The following PTDSS2 variants were observed in gnomAD, a reference collection of about 807,000 sequenced individuals.
The protein encoded by PTDSS2 is phosphatidylserine synthase 2, also known as PSS-2.
A neutral mutation model predicts 64.7 loss-of-function variants in PTDSS2; 41 were observed. The ratio of observed to expected loss-of-function variants is 0.63; its 90% confidence interval spans 0.49 to 0.82. The LOEUF (loss-of-function observed/expected upper bound fraction) is 0.82. Among genes scored for constraint, PTDSS2 ranks in the 40% least tolerant of loss-of-function variants. The pLI, the probability that PTDSS2 is intolerant of heterozygous loss-of-function variation, is 0.00. For missense variants in PTDSS2, 485 were observed against 650.0 expected (o/e 0.75, Z 2.76); for synonymous variants, 297 against 277.8 (o/e 1.07, Z -0.69).
intron 7 of PTDSS2, 88 bp from the exon 8 acceptor site, chr11:488,441 T>C: frequency 7.3e-7 from 1 of 1,362,674 alleles, no homozygotes; most frequent in Non-Finnish European, 1.0e-6. Flanking sequence ...CTGAGGGGCA[T>C]TCTCGGTTCC....
chr11:490,791 TGTGTGTACGC>T lies in PTDSS2; in HGVS notation c.*221_*230del, dbSNP rs199941403. On this transcript the variant is annotated 3_prime_UTR_variant, in exon 12 of 12. Coordinates refer to ENST00000308020, the MANE Select transcript of PTDSS2 (RefSeq NM_030783.3). ...GTACACGTGTGTACGTGTGTATGCGTGTGTGTACGCGTGTGTACGCGCGTGTGTACACATG... is the reference window on the plus strand; with the variant it reads ...GTACACGTGTGTACGTGTGTATGCGTGTGTGTACGCGCGTGTGTACACATG... 2,304 of 574,046 alleles carry T rather than the reference TGTGTGTACGC, an allele frequency of 4.0e-3. 11 individuals are homozygous for T. The highest frequency in any genetic ancestry group is 0.012 in the African/African-American group (564 of 46,664). 35.6% of individuals were successfully genotyped at this position (574,046 alleles called of 1,614,324 possible).
intron 1 of PTDSS2, among the ~76,000 whole-genome samples, chr11:452,319 GA>G (rs1846371745): frequency 6.6e-6 from 1 of 152,282 alleles, no homozygotes; most frequent in Non-Finnish European, 1.5e-5. Flanking sequence ...TGCAGGCATG[GA>G]ACTTCAGAAG....
chr11:451,825 G>T (rs1449979120), intron 1 of PTDSS2, among the ~76,000 whole-genome samples: 1 of 152,164 alleles, frequency 6.6e-6, no homozygotes, highest in Non-Finnish European at 1.5e-5. Flanking sequence ...CCCCACGCAG[G>T]GTCTTCCGTG....
rs922481386 is a variant in PTDSS2 at position 461,033 on chromosome 11, G to A, written c.284+745G>A. On this transcript the variant is annotated intron_variant, in intron 2 of 11. Transcript: ENST00000308020. The surrounding 1 kb of genome is among the most constrained non-coding windows in gnomAD (Gnocchi z 4.2). ...TGCTCCGGCGGGATGGTGGGAGGAA[G>A]CCGGAGCAGGGTCTGAGACCAGCAG... The A allele has an allele frequency of 6.6e-6, 1 of 152,444 alleles. No individual in the cohort carries two copies. Among genetic ancestry groups the A allele is most frequent in the African/African-American group, 2.4e-5 (1 of 41,590 alleles). The allele number at this position is 152,444 out of a possible 1,614,324, so 9.4% of individuals were successfully genotyped here.
At chr11:489,837 GGACCCT>G in intron 10 of PTDSS2, 40 bp from the exon 11 acceptor site, 1 of 1,544,878 alleles carries the variant, frequency 6.5e-7, no homozygotes, top group Non-Finnish European at 8.7e-7. Flanking sequence ...TCCGCCTGGA[GGACCCT>G]GCGGGGCCCG....
Position 490,681 on chromosome 11 carries a change from C to CA in PTDSS2, c.*101dup. The stretch of plus-strand genomic sequence containing the variant: ...GGAGCCACGTGCCCGGCCTTGCCCT[C>CA]AAGGTTTTTTGCTTTTCTCCTGTGC... On this transcript the variant is annotated 3_prime_UTR_variant, in exon 12 of 12. Transcript: ENST00000308020. 1 of 1,334,546 alleles carries CA rather than the reference C, an allele frequency of 7.5e-7. No homozygotes were observed. Among genetic ancestry groups the CA allele is most frequent in the Admixed American group, 2.7e-5 (1 of 37,498 alleles). The allele number at this position is 1,334,546 out of a possible 1,614,324, so 82.7% of individuals were successfully genotyped here.
chr11:487,181 C>A, intron 5 of PTDSS2, 108 bp downstream of exon 5: 1 of 1,159,832 alleles, frequency 8.6e-7, no homozygotes, highest in South Asian at 1.4e-5. Context: ...CACTTGGGGT[C>A]TCCTGGTGCA....
In PTDSS2 at chr11:479,155, A is replaced by G. The variant is rs780957616; in HGVS notation, c.435+3A>G. On this transcript the variant is annotated splice_donor_region_variant and intron_variant, in intron 4 of 11. Coordinates refer to ENST00000308020, the MANE Select transcript of PTDSS2 (RefSeq NM_030783.3). The surrounding 1 kb of genome is among the most constrained non-coding windows in gnomAD (Gnocchi z 4.2). ...TTCTCATCTTTATACTCTTCCAGGT[A>G]AGCTGTTTTTCTGGGTTGGATACCT... 5 of 1,613,372 alleles carry G rather than the reference A, an allele frequency of 3.1e-6. No homozygotes were observed. Among genetic ancestry groups the G allele is most frequent in the Non-Finnish European group, 4.2e-6 (5 of 1,179,298 alleles).
intron 4 of PTDSS2, chr11:480,115 T>A (rs1848002382): frequency 6.5e-6 from 1 of 153,776 alleles, no homozygotes; most frequent in South Asian, 1.9e-4. Context: ...TTCGCTTCTG[T>A]CTCTTCTAGA....
intron 5 of PTDSS2, 85 bp downstream of exon 5, chr11:487,158 A>C: frequency 7.7e-7 from 1 of 1,303,672 alleles, no homozygotes; most frequent in Admixed American, 1.9e-5. Flanking sequence ...CCTGCCTCGC[A>C]CCCCTCAGCC....
At chr11:484,654 T>C (rs923353915) in intron 4 of PTDSS2, among the ~76,000 whole-genome samples, 2 of 149,826 alleles carry the variant, frequency 1.3e-5, no homozygotes, top group African/African-American at 4.9e-5. Context: ...GTGCTCACTG[T>C]GTGCACAGGC....
Position 479,108 on chromosome 11 carries a change from G to C in PTDSS2, c.391G>C (p.Val131Leu), listed in dbSNP as rs201233818. Residue 131 changes from valine to leucine, a missense_variant, in exon 4 of 12, where the codon GTG becomes CTG. Physicochemically the swap from Val to Leu is conservative, Grantham distance 32. This residue lies in a region of PTDSS2 where 251 missense variants were observed against 348.0 expected (regional missense o/e 0.72). Transcript: ENST00000308020. The surrounding 1 kb of genome is among the most constrained non-coding windows in gnomAD (Gnocchi z 4.2). ...AGCTTACTGGAGGTTTTGGCTCTGC[G>C]TGAGTGTGGTCTACGAGCTGTTTCT... ...HPAYWRFWLC[V>L]SVVYELFLIF... 6.2e-7 allele frequency: 1 copy of C among 1,614,210 alleles called. No homozygotes were observed. Among genetic ancestry groups the C allele is most frequent in the South Asian group, 1.1e-5 (1 of 91,084 alleles).
chr11:468,019 C>T (rs969939553), intron 2 of PTDSS2, among the ~76,000 whole-genome samples: 2 of 152,058 alleles, frequency 1.3e-5, no homozygotes, highest in Admixed American at 1.3e-4. Context: ...ACACATGGTC[C>T]CACCTGTCAA....
At chr11:464,396 A>T (rs1029007286) in intron 2 of PTDSS2, among the ~76,000 whole-genome samples, 4 of 152,222 alleles carry the variant, frequency 2.6e-5, no homozygotes, top group African/African-American at 9.6e-5. Context: ...TGTGCCCACC[A>T]CTGCATGGGG....
chr11:465,656 G>T lies in PTDSS2; in HGVS notation c.284+5368G>T, dbSNP rs1161392994. Among the ~76,000 whole-genome samples the T allele has an allele frequency of 2.0e-5, 3 of 152,230 alleles. No individual in the cohort carries two copies. In the East Asian group the frequency reaches 5.8e-4, roughly 29 times the overall value. Reference sequence around the variant, plus strand: ...ATTAAAATTGTCTGCTGGGTGTGGTGGTTCATGCCCTTAATCCTAGCACTT... The same window carrying T: ...ATTAAAATTGTCTGCTGGGTGTGGTTGTTCATGCCCTTAATCCTAGCACTT... On this transcript the variant is annotated intron_variant, in intron 2 of 11. Coordinates refer to ENST00000308020, the MANE Select transcript of PTDSS2 (RefSeq NM_030783.3).
rs1224671830 is a variant in PTDSS2, at chr11:473,889, T to C, written c.285-6T>C. On this transcript the variant is annotated splice_region_variant and splice_polypyrimidine_tract_variant and intron_variant, in intron 2 of 11. Coordinates refer to ENST00000308020, the MANE Select transcript of PTDSS2 (RefSeq NM_030783.3). ...CACTGAGGGGCTGTTTGTTCTTTATTTGCAGAGGTATTGTGGCCAGTATTT... is the reference window on the plus strand; with the variant it reads ...CACTGAGGGGCTGTTTGTTCTTTATCTGCAGAGGTATTGTGGCCAGTATTT... The C allele has an allele frequency of 1.2e-6, 2 of 1,610,498 alleles. No individual in the cohort carries two copies. The highest frequency in any genetic ancestry group is 3.3e-5 in the Admixed American group (2 of 60,006).
intron 2 of PTDSS2, among the ~76,000 whole-genome samples, chr11:468,235 G>A (rs1847231881): frequency 6.6e-6 from 1 of 152,200 alleles, no homozygotes; most frequent in African/African-American, 2.4e-5. Flanking sequence ...AGAAGGCCGC[G>A]CACTGTGATT....
intron 1 of PTDSS2, among the ~76,000 whole-genome samples, chr11:457,896 G>C (rs1270548812): frequency 6.6e-6 from 1 of 152,170 alleles, no homozygotes; most frequent in Non-Finnish European, 1.5e-5. Context: ...ATCTTGCTCC[G>C]AGACCTCACC....
chr11:465,152 A>T (rs1355341502), intron 2 of PTDSS2, among the ~76,000 whole-genome samples: 1 of 152,222 alleles, frequency 6.6e-6, no homozygotes, highest in African/African-American at 2.4e-5. Context: ...TTCTAAATGG[A>T]TTCTAGATAA....
Sources: gnomAD v4.1 joint callset for allele counts (sites outside exome capture counted in the v4.1 genomes callset) on GRCh38, gnomAD v4.1.1 for gene constraint, gnomAD v4.1.1 regional missense constraint, Gnocchi (gnomAD v3.1) non-coding constraint, MANE v1.5 for transcripts, NCBI Gene and HGNC (gene_info 2026-07-23, HGNC 2026-07-21) for gene names.